The following MORC3 variants were observed in gnomAD, a reference collection of about 807,000 sequenced individuals.
The protein encoded by MORC3 is MORC family CW-type zinc finger protein 3.
In MORC3, 31 loss-of-function variants were observed where a neutral mutation model predicts 109.1. That is an observed-to-expected ratio of 0.28 (90% CI 0.21 to 0.38). MORC3 has a LOEUF of 0.38. Among genes scored for constraint, MORC3 ranks in the 10% least tolerant of loss-of-function variants. The pLI is 1.00. For missense variants in MORC3, 867 were observed against 1,135.8 expected, an observed-to-expected ratio of 0.76 and a Z score of 3.40; for synonymous variants, 395 against 380.7, an observed-to-expected ratio of 1.04 and a Z score of -0.44.
chr21:36,368,960 T>TA, intron 14 of MORC3, 28 bp from the exon 15 acceptor site: 1 of 1,522,508 alleles, frequency 6.6e-7, no homozygotes, highest in Non-Finnish European at 8.9e-7. Context: ...TTTATAATCT[T>TA]ATGTTTTATG....
chr21:36,330,118 T>TG (rs1212022385), intron 1 of MORC3, among the ~76,000 whole-genome samples: 8 of 152,118 alleles, frequency 5.3e-5, no homozygotes, highest in African/African-American at 1.9e-4. Flanking sequence ...AGCCTTGGCC[T>TG]CCCAAAGCGC....
intron 15 of MORC3, among the ~76,000 whole-genome samples, chr21:36,371,651 A>T (rs941594259): frequency 6.7e-6 from 1 of 149,608 alleles, no homozygotes; most frequent in African/African-American, 2.6e-5. Flanking sequence ...CTGGAAAATC[A>T]TAAAGTCAAA....
At chr21:36,328,632 C>T (rs868213537) in intron 1 of MORC3, among the ~76,000 whole-genome samples, 54 of 152,104 alleles carry the variant, frequency 3.6e-4, no homozygotes, top group Admixed American at 2.8e-3. Flanking sequence ...TGAGCCACCG[C>T]GCCTGGCCAA....
At chr21:36,333,570 C>A in intron 1 of MORC3, 76 bp from the exon 2 acceptor site, 3 of 1,206,492 alleles carry the variant, frequency 2.5e-6, no homozygotes, top group Non-Finnish European at 3.7e-6. Flanking sequence ...TTGTTTAACA[C>A]AGGGATAAAA....
At chr21:36,338,010 A>G (rs1303172333) in intron 4 of MORC3, 64 bp downstream of exon 4, 6 of 1,550,046 alleles carry the variant, frequency 3.9e-6, no homozygotes, top group South Asian at 1.1e-5. Flanking sequence ...GAAACATTCT[A>G]TGTTTTTGCC....
intron 15 of MORC3, among the ~76,000 whole-genome samples, chr21:36,370,852 A>G (rs188976886): frequency 6.6e-6 from 1 of 151,570 alleles, no homozygotes; most frequent in Non-Finnish European, 1.5e-5. Flanking sequence ...TCTTTTTATT[A>G]GAGACAGGGT....
chr21:36,362,271 G>A (rs550660329), intron 13 of MORC3, 43 bp downstream of exon 13: 13 of 1,557,488 alleles, frequency 8.3e-6, no homozygotes, highest in African/African-American at 1.4e-5. Flanking sequence ...AAATAGAGAT[G>A]GGGGCTGACA....
In MORC3 at chr21:36,376,148, T is replaced by A. The variant is rs2085927159; in HGVS notation, c.*852T>A. 6.6e-6 allele frequency: 1 copy of A among 152,618 alleles called. No homozygotes were observed. Among genetic ancestry groups the A allele is most frequent in the Non-Finnish European group, 1.5e-5 (1 of 68,034 alleles). The allele number at this position is 152,618 out of a possible 1,614,324, so 9.5% of individuals were successfully genotyped here. Reference sequence around the variant, plus strand: ...GAAGACAGTCTTTCTCAAACAATACTACATACCTTTTATTATATTACAAAC... The same window carrying A: ...GAAGACAGTCTTTCTCAAACAATACAACATACCTTTTATTATATTACAAAC... On this transcript the variant is annotated 3_prime_UTR_variant, in exon 17 of 17. Transcript: ENST00000400485.
intron 1 of MORC3, among the ~76,000 whole-genome samples, chr21:36,331,314 T>C (rs1462147012): frequency 5.9e-5 from 9 of 151,988 alleles, no homozygotes; most frequent in Non-Finnish European, 2.9e-5. Context: ...CTTGTGTGTT[T>C]TTGGCCAGGC....
At chr21:36,358,971 G>A (rs749570214) in intron 10 of MORC3, among the ~76,000 whole-genome samples, 5 of 152,008 alleles carry the variant, frequency 3.3e-5, no homozygotes, top group Non-Finnish European at 5.9e-5. Context: ...GAGCCACCGC[G>A]CCCAGCCTTG....
intron 5 of MORC3, among the ~76,000 whole-genome samples, chr21:36,340,340 A>G (rs2085428699): frequency 1.3e-5 from 2 of 151,254 alleles, no homozygotes; most frequent in Non-Finnish European, 2.9e-5. Context: ...TTTGATGTTG[A>G]TACAGTCAAG....
chr21:36,337,601 C>T, intron 3 of MORC3, 131 bp from the exon 4 acceptor site: 1 of 581,586 alleles, frequency 1.7e-6, no homozygotes, highest in Non-Finnish European at 2.7e-6. Flanking sequence ...AGGGTGAGGC[C>T]AGTATTTGAA....
chr21:36,333,378 T>C, intron 1 of MORC3: 1 of 430,526 alleles, frequency 2.3e-6, no homozygotes, highest in African/African-American at 2.0e-5. Flanking sequence ...TATGTCCCTA[T>C]TTGGGATTGG....
chr21:36,369,427 A>C lies in MORC3; in HGVS notation c.2059A>C (p.Lys687Gln). 6.2e-7 allele frequency: 1 copy of C among 1,614,236 alleles called. No individual in the cohort carries two copies. Among genetic ancestry groups the C allele is most frequent in the African/African-American group, 1.3e-5 (1 of 75,056 alleles). The change falls in exon 15 of 17, where the codon AAA (lysine) becomes CAA (glutamine). Residue 687 changes from lysine to glutamine, a missense_variant. Lys to Gln is a moderately conservative substitution (Grantham distance 53). Around this residue, in one of 7 missense-constraint regions of MORC3, gnomAD observed 486 missense variants for 502.1 expected, o/e 0.97. Transcript: ENST00000400485. ...KIHETQETTD[K>Q]SADDAGCQLQ... ...ACATGAAACCCAGGAAACCACCGAT[A>C]AATCTGCAGATGATGCAGGCTGCCA...
chr21:36,359,555 CCTTTTT>C (rs2085688090), intron 10 of MORC3, among the ~76,000 whole-genome samples: 7 of 130,090 alleles, frequency 5.4e-5, no homozygotes, highest in Non-Finnish European at 9.3e-5. Flanking sequence ...CCTTTCCTCT[CCTTTTT>C]TTTTTTTTTT....
intron 13 of MORC3, among the ~76,000 whole-genome samples, chr21:36,362,923 G>A (rs1352044363): frequency 6.6e-6 from 1 of 152,070 alleles, no homozygotes; most frequent in Non-Finnish European, 1.5e-5. Context: ...TGTTAGATAA[G>A]CAGTTAAGGA....
At chr21:36,343,897 A>C (rs1212591156) in intron 6 of MORC3, among the ~76,000 whole-genome samples, 1 of 152,124 alleles carries the variant, frequency 6.6e-6, no homozygotes, top group African/African-American at 2.4e-5. Context: ...ATTACTATTT[A>C]CTAAAATAGT....
intron 15 of MORC3, among the ~76,000 whole-genome samples, chr21:36,371,857 A>G (rs955523632): frequency 4.1e-5 from 6 of 145,702 alleles, no homozygotes; most frequent in Non-Finnish European, 8.9e-5. Context: ...CTTGTTGCCC[A>G]GGCTGGAGTG....
In MORC3 at chr21:36,369,858, G is replaced by A; in HGVS notation, c.2490G>A (p.Arg830=). The A allele has an allele frequency of 6.2e-7, 1 of 1,612,268 alleles. No individual in the cohort carries two copies. Among genetic ancestry groups the A allele is most frequent in the Admixed American group, 1.7e-5 (1 of 60,006 alleles). Residue 830 remains arginine (R), a synonymous_variant, in exon 15 of 17, where the codon AGG becomes AGA. Transcript: ENST00000400485. ...FRQLDKCSIE[R]DQYKSEVELL... is the part of the protein sequence containing the mutation. ...AACTGGACAAATGCAGTATTGAGAG[G>A]GACCAGTATAAAAGTGAGGTGAGTT...
Sources: allele counts gnomAD v4.1 joint callset (sites outside exome capture counted in the v4.1 genomes callset), GRCh38; gene constraint gnomAD v4.1.1; regional missense constraint gnomAD v4.1.1; transcripts MANE v1.5; gene names NCBI Gene and HGNC (gene_info 2026-07-23, HGNC 2026-07-21).